The following ARHGEF3 variants were observed in gnomAD, a reference collection of about 807,000 sequenced individuals.
The protein encoded by ARHGEF3 is Rho guanine nucleotide exchange factor 3, also known as 59.8 kDA protein.
ARHGEF3 carries 28 observed loss-of-function variants against 63.2 expected under a neutral mutation model. That is an observed-to-expected ratio of 0.44 (90% CI 0.33 to 0.61). The LOEUF is 0.61. Ranked by LOEUF, ARHGEF3 falls within the 20% of genes least tolerant of loss-of-function variation. The probability of loss-of-function intolerance (pLI) is 0.03; values close to 1 mark genes in which losing one functional copy is unlikely to be tolerated. For synonymous variants in ARHGEF3, 266 were observed against 254.2 expected, an observed-to-expected ratio of 1.05 and a Z score of -0.44; for missense variants, 533 against 659.3, an observed-to-expected ratio of 0.81 and a Z score of 2.10.
intron 1 of ARHGEF3, among the ~76,000 whole-genome samples, chr3:57,076,034 G>T (rs1706204946): frequency 6.6e-6 from 1 of 152,170 alleles, no homozygotes. Context: ...CAAGCGAAGT[G>T]ATATGAATTA....
At chr3:56,747,962 G>A (rs199719698) in intron 6 of ARHGEF3, among the ~76,000 whole-genome samples, 13 of 152,202 alleles carry the variant, frequency 8.5e-5, no homozygotes, top group African/African-American at 2.2e-4. Flanking sequence ...ATGAGGTAAA[G>A]CATACAAAAT....
At chr3:56,754,929 C>T in intron 3 of ARHGEF3, 52 bp downstream of exon 3, 1 of 1,608,504 alleles carries the variant, frequency 6.2e-7, no homozygotes, top group Non-Finnish European at 8.5e-7. Context: ...GCTGACGCTG[C>T]AATGCACCTT....
chr3:56,946,613 A>C (rs1199410881), intron 3 of ARHGEF3, among the ~76,000 whole-genome samples: 1 of 152,230 alleles, frequency 6.6e-6, no homozygotes, highest in African/African-American at 2.4e-5. Context: ...GCCTCCAAGA[A>C]ATATGGGAGT....
chr3:56,911,978 T>C (rs974072056), intron 3 of ARHGEF3, among the ~76,000 whole-genome samples: 3 of 150,794 alleles, frequency 2.0e-5, no homozygotes, highest in Non-Finnish European at 4.4e-5. Context: ...CATATATATA[T>C]ACACACATAT....
chr3:56,966,736 C>A (rs1039394596), intron 2 of ARHGEF3, among the ~76,000 whole-genome samples: 1 of 152,028 alleles, frequency 6.6e-6, no homozygotes, highest in African/African-American at 2.4e-5. Flanking sequence ...ACATCCAGAC[C>A]CTGTGTGGCC....
chr3:56,772,827 C>A (rs1191526612), intron 2 of ARHGEF3, among the ~76,000 whole-genome samples: 1 of 151,998 alleles, frequency 6.6e-6, no homozygotes, highest in Non-Finnish European at 1.5e-5. Context: ...ATTCCATGAA[C>A]GTTTGGTGGC....
At chr3:56,869,832 G>C (rs542894106) in intron 4 of ARHGEF3, among the ~76,000 whole-genome samples, 1 of 152,016 alleles carries the variant, frequency 6.6e-6, no homozygotes, top group South Asian at 2.1e-4. Flanking sequence ...AGAAACAAAA[G>C]TATTACTTTC....
At position 56,983,986 on chromosome 3, in the gene ARHGEF3, T is replaced by C. The variant is rs571361590; in HGVS notation, c.63-25097A>G. Reference sequence around the variant, plus strand: ...GCTATCCCAGCTCAATAATTGACCCTGCCACACTGTACAGTCCCTCAGTTC... The same window carrying C: ...GCTATCCCAGCTCAATAATTGACCCCGCCACACTGTACAGTCCCTCAGTTC... On this transcript the variant is annotated intron_variant, in intron 2 of 12. Transcript: ENST00000338458. Among the ~76,000 whole-genome samples the C allele has an allele frequency of 1.1e-3, 151 of 139,972 alleles. 1 individual carries two copies. Among genetic ancestry groups the C allele is most frequent in the Middle Eastern group, 4.2e-3 (1 of 240 alleles). The allele number at this position is 139,972 out of a possible 152,430, so 91.8% of individuals were successfully genotyped here.
chr3:56,756,939 C>T (rs1251030526), intron 2 of ARHGEF3, among the ~76,000 whole-genome samples: 1 of 152,168 alleles, frequency 6.6e-6, no homozygotes. Context: ...ATCCTCCTCC[C>T]CCAGAGCAAT....
chr3:56,888,557 C>T (rs1578766697), intron 3 of ARHGEF3, among the ~76,000 whole-genome samples: 1 of 152,068 alleles, frequency 6.6e-6, no homozygotes, highest in East Asian at 1.9e-4. Flanking sequence ...TGCTATAGAC[C>T]ACTTTCTAGA....
rs114540791 is a variant in ARHGEF3, at chr3:56,824,637, C to G, written c.193-50821G>C. ...AATTACCAGGTCTCACAGCTCAATA[C>G]TGTTTTTGAAGATTATTGGCAATTA... is the stretch of plus-strand genomic sequence containing the variant. On this transcript the variant is annotated intron_variant, in intron 4 of 12. Coordinates refer to the ARHGEF3 transcript ENST00000338458. 6.2e-3 allele frequency among the ~76,000 whole-genome samples: 947 copies of G among 152,318 alleles called. 8 individuals are homozygous for G. Among genetic ancestry groups the G allele is most frequent in the African/African-American group, 0.021 (888 of 41,560 alleles).
intron 4 of ARHGEF3, among the ~76,000 whole-genome samples, chr3:56,836,246 T>C (rs1264984291): frequency 6.6e-6 from 1 of 152,344 alleles, no homozygotes; most frequent in East Asian, 1.9e-4. Context: ...ATCTCTTTCC[T>C]TTAGGGAAGA....
chr3:56,968,053 A>ATAT (rs1700676757), intron 2 of ARHGEF3, among the ~76,000 whole-genome samples: 1 of 47,080 alleles, frequency 2.1e-5, no homozygotes, highest in Admixed American at 4.6e-4. Flanking sequence ...AATATATATA[A>ATAT]TATATATAAT....
At chr3:56,973,203 G>C (rs899803736) in intron 2 of ARHGEF3, among the ~76,000 whole-genome samples, 2 of 152,062 alleles carry the variant, frequency 1.3e-5, no homozygotes, top group African/African-American at 4.8e-5. Flanking sequence ...ATTTTTAGTA[G>C]AGACGGGGTT....
At chr3:57,019,679 A>G (rs1464815937) in intron 2 of ARHGEF3, among the ~76,000 whole-genome samples, 4 of 152,218 alleles carry the variant, frequency 2.6e-5, no homozygotes, top group Non-Finnish European at 5.9e-5. Flanking sequence ...TAAAGGCTCT[A>G]TATTAAGTAT....
rs117303809 is a variant in ARHGEF3, at chr3:56,929,404, C to T, written c.129+29419G>A. Among the ~76,000 whole-genome samples, 91 of 152,306 alleles carry T rather than the reference C, an allele frequency of 6.0e-4. No individual in the cohort carries two copies. The East Asian group carries it at 6.9e-3, about 12-fold the overall frequency. On this transcript the variant is annotated intron_variant, in intron 3 of 12. Transcript: ENST00000338458. ...GCTTCACATGAAATCTCTACTGAGTCGACAGTATCTGCAACCTGAATCTAG... is the reference window on the plus strand; with the variant it reads ...GCTTCACATGAAATCTCTACTGAGTTGACAGTATCTGCAACCTGAATCTAG...
chr3:56,903,918 C>T (rs988755912), intron 3 of ARHGEF3, among the ~76,000 whole-genome samples: 1 of 152,118 alleles, frequency 6.6e-6, no homozygotes, highest in Non-Finnish European at 1.5e-5. Flanking sequence ...GGCTGGAGTG[C>T]AGAGGCATGA....
At chr3:56,991,040 C>T (rs1280783338) in intron 2 of ARHGEF3, among the ~76,000 whole-genome samples, 1 of 152,128 alleles carries the variant, frequency 6.6e-6, no homozygotes, top group East Asian at 1.9e-4. Flanking sequence ...TCTTAAGACC[C>T]AGTTCCTGCT....
chr3:56,967,801 TATATAATATATATTATATA>T (rs1261784243), intron 2 of ARHGEF3, among the ~76,000 whole-genome samples: 5 of 67,912 alleles, frequency 7.4e-5, no homozygotes, highest in African/African-American at 1.2e-4. Flanking sequence ...TATTACATAT[TATATAATATATATTATATA>T]ATATAATATA....
Sources: allele counts gnomAD v4.1 joint callset (sites outside exome capture counted in the v4.1 genomes callset), GRCh38; gene constraint gnomAD v4.1.1; transcripts MANE v1.5; gene names NCBI Gene and HGNC (gene_info 2026-07-23, HGNC 2026-07-21).